The following MMRN2 variants were observed in gnomAD, a reference collection of about 807,000 sequenced individuals.
MMRN2 encodes the protein multimerin 2.
In MMRN2, 53 loss-of-function variants were observed where a neutral mutation model predicts 68.8. That is an observed-to-expected ratio of 0.77 (90% CI 0.62 to 0.97). The LOEUF (loss-of-function observed/expected upper bound fraction) is 0.97, where lower values mean the gene tolerates loss of function less well. Ranked by LOEUF, MMRN2 falls within the 50% of genes least tolerant of loss-of-function variation. The pLI is 0.00. For missense variants in MMRN2, 1,266 were observed against 1,259.5 expected (o/e 1.01, Z -0.08); for synonymous variants, 564 against 551.6 (o/e 1.02, Z -0.32).
chr10:86,953,963 T>G (rs1341976538), intron 1 of MMRN2: 1 of 152,456 alleles, frequency 6.6e-6, no homozygotes, highest in Non-Finnish European at 1.5e-5. Context: ...TCTCTGCCCA[T>G]GCTCCCCACC....
chr10:86,954,148 G>A (rs1456762918), intron 1 of MMRN2: 2 of 152,500 alleles, frequency 1.3e-5, no homozygotes, highest in South Asian at 4.1e-4. Context: ...CTCCGTCTCA[G>A]GCTGGCTTCA....
At chr10:86,953,694 T>C (rs936809515) in intron 1 of MMRN2, among the ~76,000 whole-genome samples, 1 of 152,186 alleles carries the variant, frequency 6.6e-6, no homozygotes, top group Admixed American at 6.5e-5. Flanking sequence ...CCACAAGGAA[T>C]TATCTAGTCC....
At chr10:86,940,254 C>T (rs1267115091) in intron 6 of MMRN2, among the ~76,000 whole-genome samples, 1 of 152,222 alleles carries the variant, frequency 6.6e-6, no homozygotes, top group Non-Finnish European at 1.5e-5. Context: ...AAGTGATCCA[C>T]CCGCCTCGGC....
intron 1 of MMRN2, among the ~76,000 whole-genome samples, chr10:86,955,797 A>C (rs1228096535): frequency 6.6e-6 from 1 of 152,176 alleles, no homozygotes; most frequent in African/African-American, 2.4e-5. Context: ...GGATGTGGGA[A>C]GGAGAGCCCT....
At position 86,942,952 on chromosome 10, in the gene MMRN2, G is replaced by A; in HGVS notation, c.1832C>T (p.Ala611Val). ...CAGCACCTCCTCCCCGAAGAGCGCG[G>A]CCAGCACCGCCTCGTGCCGCAGCGC... ...EDALRHEAVLAALFGEEVLEE... is the reference protein window; with the variant it reads ...EDALRHEAVLVALFGEEVLEE... The change falls in exon 6 of 7, where the codon GCC becomes GTC. Residue 611 changes from alanine to valine, a missense_variant. By Grantham distance (64) the Ala-to-Val change is moderately conservative. Transcript: ENST00000372027. 6.7e-7 allele frequency: 1 copy of A among 1,500,372 alleles called. No individual in the cohort carries two copies. The highest frequency in any genetic ancestry group is 8.9e-7 in the Non-Finnish European group (1 of 1,126,330). The allele number at this position is 1,500,372 out of a possible 1,614,324, so 92.9% of individuals were successfully genotyped here.
intron 6 of MMRN2, among the ~76,000 whole-genome samples, chr10:86,938,598 C>G (rs368852310): frequency 2.0e-5 from 3 of 152,204 alleles, no homozygotes. Context: ...GGCCTTGGCA[C>G]CAACGAGGTC....
intron 4 of MMRN2, among the ~76,000 whole-genome samples, chr10:86,944,939 C>G (rs1449877930): frequency 6.6e-6 from 1 of 152,178 alleles, no homozygotes; most frequent in African/African-American, 2.4e-5. Flanking sequence ...AAGGAAAGTG[C>G]CAGATGAACC....
At chr10:86,945,124 A>C (rs947663504) in intron 4 of MMRN2, 64 bp downstream of exon 4, 87 of 1,426,204 alleles carry the variant, frequency 6.1e-5, no homozygotes, top group Non-Finnish European at 8.5e-5. Flanking sequence ...CACAGGAAAA[A>C]GGGCCAGCTG....
chr10:86,948,224 CAAAAAAAAAA>C (rs57877767), intron 1 of MMRN2, among the ~76,000 whole-genome samples: 1 of 98,858 alleles, frequency 1.0e-5, no homozygotes, highest in African/African-American at 3.8e-5. Context: ...AACCCTATCT[CAAAAAAAAAA>C]AAAAAAAAAG....
chr10:86,942,421 A>G lies in MMRN2; in HGVS notation c.2363T>C (p.Leu788Pro). 6.2e-7 allele frequency: 1 copy of G among 1,614,152 alleles called. No individual in the cohort carries two copies. Residue 788 changes from leucine to proline, a missense_variant, in exon 6 of 7, where the codon CTG becomes CCG. Transcript: ENST00000372027. ...CTTGTCCCTCTTCCGGGGAGCTTCC[A>G]GGTCTTTCTGCTGCTTCTTCCCTTT... ...SRKGKKQQKD[L>P]EAPRKRDKKE...
chr10:86,936,456 GAAGA>G lies in MMRN2; in HGVS notation c.*283_*286del. Reference sequence around the variant, plus strand: ...GAAGTTGTAGAATACAGGGTGTGGTGAAGAGTTGGAGCCCAGGCCGTGCTGTCTG... The same window carrying G: ...GAAGTTGTAGAATACAGGGTGTGGTGGTTGGAGCCCAGGCCGTGCTGTCTG... On this transcript the variant is annotated 3_prime_UTR_variant, in exon 7 of 7. Coordinates refer to ENST00000372027, the MANE Select transcript of MMRN2 (RefSeq NM_024756.3). 2 of 532,340 alleles carry G rather than the reference GAAGA, an allele frequency of 3.8e-6. No individual in the cohort carries two copies. The highest frequency in any genetic ancestry group is 3.4e-5 in the South Asian group (1 of 29,268). The allele number at this position is 532,340 out of a possible 1,614,324, so 33.0% of individuals were successfully genotyped here. A position where few individuals can be genotyped will look rare whatever the true frequency, so the allele number is the denominator to read the frequency against.
chr10:86,953,214 T>C (rs1844167933), intron 1 of MMRN2, among the ~76,000 whole-genome samples: 1 of 152,176 alleles, frequency 6.6e-6, no homozygotes, highest in South Asian at 2.1e-4. Context: ...CACAGGGTCC[T>C]GAGGTGATGT....
intron 1 of MMRN2, among the ~76,000 whole-genome samples, chr10:86,951,321 C>T (rs976178636): frequency 3.3e-5 from 5 of 152,178 alleles, no homozygotes; most frequent in African/African-American, 1.2e-4. Flanking sequence ...ATATTTGACA[C>T]AAGGCCAGCT....
Position 86,941,798 on chromosome 10 carries a change from T to TAAA in MMRN2, c.2467+516_2467+518dup, listed in dbSNP as rs55898424. ...CTGGACGACAAAGTGAGACCCATCT[T>TAAA]AAAAAAAAAAAAAAAAAGAAAAGAA... On this transcript the variant is annotated intron_variant, in intron 6 of 6. Coordinates refer to ENST00000372027, the MANE Select transcript of MMRN2 (RefSeq NM_024756.3). Among the ~76,000 whole-genome samples, 669 of 114,918 alleles carry TAAA rather than the reference T, an allele frequency of 5.8e-3. 9 individuals carry two copies. The highest frequency in any genetic ancestry group is 0.023 in the African/African-American group (640 of 28,436). The allele number at this position is 114,918 out of a possible 152,430, so 75.4% of individuals were successfully genotyped here.
At position 86,943,318 on chromosome 10, in the gene MMRN2, A is replaced by C. The variant is rs1426346526; in HGVS notation, c.1466T>G (p.Val489Gly). 4.3e-6 allele frequency: 7 copies of C among 1,613,692 alleles called. No homozygotes were observed. The highest frequency in any genetic ancestry group is 1.3e-5 in the African/African-American group (1 of 74,912). The change falls in exon 6 of 7, where the codon GTG becomes GGG. Residue 489 changes from valine (V) to glycine (G), a missense_variant. By Grantham distance (109) the Val-to-Gly change is moderately radical. Transcript: ENST00000372027. The surrounding 1 kb of genome is among the most constrained non-coding windows in gnomAD (Gnocchi z 4.2). Reference sequence around the variant, plus strand: ...GAGCTTCTGGCAATTGCAGTCCTTCACGTACTTGATGAGGTCGGCATGGCC... The same window carrying C: ...GAGCTTCTGGCAATTGCAGTCCTTCCCGTACTTGATGAGGTCGGCATGGCC... The part of the protein sequence containing the change: ...QGGHADLIKY[V>G]KDCNCQKLYL...
intron 6 of MMRN2, 82 bp from the exon 7 acceptor site, chr10:86,937,207 C>T: frequency 2.7e-6 from 4 of 1,462,480 alleles, no homozygotes; most frequent in Non-Finnish European, 3.7e-6. Flanking sequence ...CTACCGTCCT[C>T]ACCTTATTAG....
At chr10:86,940,980 G>C (rs1275210829) in intron 6 of MMRN2, among the ~76,000 whole-genome samples, 1 of 152,252 alleles carries the variant, frequency 6.6e-6, no homozygotes, top group East Asian at 1.9e-4. Flanking sequence ...CAGCCATGGA[G>C]GGCCTTCTGG....
intron 1 of MMRN2, among the ~76,000 whole-genome samples, chr10:86,952,029 G>T (rs1321413433): frequency 6.6e-6 from 1 of 152,124 alleles, no homozygotes; most frequent in African/African-American, 2.4e-5. Flanking sequence ...GCCTGGGTCT[G>T]CCCTGTCTCA....
intron 1 of MMRN2, chr10:86,948,946 A>C (rs768419113): frequency 9.9e-5 from 15 of 152,206 alleles, no homozygotes; most frequent in Non-Finnish European, 1.3e-4. Context: ...AAAGAGCGAG[A>C]CCTTGTCTCA....
Sources: gnomAD v4.1 joint callset for allele counts (sites outside exome capture counted in the v4.1 genomes callset) on GRCh38, gnomAD v4.1.1 for gene constraint, Gnocchi (gnomAD v3.1) non-coding constraint, MANE v1.5 for transcripts, NCBI Gene and HGNC (gene_info 2026-07-23, HGNC 2026-07-21) for gene names.